The following CAMKK2 variants were observed in gnomAD, a reference collection of about 807,000 sequenced individuals.
The protein encoded by CAMKK2 is calcium/calmodulin-dependent protein kinase kinase 2.
In CAMKK2, 30 loss-of-function variants were observed where a neutral mutation model predicts 67.2. The ratio of observed to expected loss-of-function variants is 0.45; its 90% CI spans 0.33 to 0.61. The LOEUF (loss-of-function observed/expected upper bound fraction) is 0.61, where lower values mean the gene tolerates loss of function less well. Ranked by LOEUF, CAMKK2 falls within the 20% of genes least tolerant of loss-of-function variation. The pLI is 0.02. For synonymous variants in CAMKK2, 322 were observed against 326.2 expected, an observed-to-expected ratio of 0.99 and a Z score of 0.14; for missense variants, 643 against 802.0, an observed-to-expected ratio of 0.80 and a Z score of 2.39.
chr12:121,276,392 C>T (rs1321663210), intron 1 of CAMKK2, among the ~76,000 whole-genome samples: 1 of 151,724 alleles, frequency 6.6e-6, no homozygotes, highest in Non-Finnish European at 1.5e-5. Flanking sequence ...CACTTGAATC[C>T]GGGAGGTGAA....
chr12:121,246,356 G>A (rs1387640548), intron 14 of CAMKK2, among the ~76,000 whole-genome samples: 1 of 151,802 alleles, frequency 6.6e-6, no homozygotes, highest in African/African-American at 2.4e-5. Context: ...GACCAGCCTG[G>A]CCAGCATGGA....
Position 121,240,832 on chromosome 12 carries a change from G to C in CAMKK2, c.1634C>G (p.Pro545Arg), listed in dbSNP as rs754109860. Residue 545 changes from proline (P) to arginine (R), a missense_variant, in exon 17 of 17, where the codon CCC (proline) becomes CGC (arginine). Physicochemically the swap from Pro to Arg is moderately radical, Grantham distance 103 (BLOSUM62 -2). Coordinates refer to ENST00000404169, the MANE Select transcript of CAMKK2 (RefSeq NM_001270485.2). The surrounding 1 kb of genome is among the most constrained non-coding windows in gnomAD (Gnocchi z 4.4). Reference sequence around the variant, plus strand: ...ACTTCCTCCTCCCCCACGGGGGGCGGGTCGGTGCCCTGGAGGTTGTCTTCG... The same window carrying C: ...ACTTCCTCCTCCCCCACGGGGGGCGCGTCGGTGCCCTGGAGGTTGTCTTCG... ...RQRRQPPGHRPAPRGGGGSAL... is the reference protein window; with the variant it reads ...RQRRQPPGHRRAPRGGGGSAL... The C allele has an allele frequency of 1.1e-5, 18 of 1,612,258 alleles. No homozygotes were observed. The highest frequency in any genetic ancestry group is 2.7e-5 in the African/African-American group (2 of 74,920).
At position 121,239,332 on chromosome 12, in the gene CAMKK2, G is replaced by A. The variant is rs1440089000; in HGVS notation, c.*1367C>T. The A allele has an allele frequency of 6.6e-6, 1 of 152,238 alleles. No homozygotes were observed. Among genetic ancestry groups the A allele is most frequent in the Non-Finnish European group, 1.5e-5 (1 of 68,044 alleles). 9.4% of individuals were successfully genotyped at this position (152,238 alleles called of 1,614,324 possible). On this transcript the variant is annotated 3_prime_UTR_variant, in exon 17 of 17. Coordinates refer to ENST00000404169, the MANE Select transcript of CAMKK2 (RefSeq NM_001270485.2). ...TCACACTCCCCTACCTGTGGCTCTG[G>A]AAGGAGTCACACTTGAACCTCAACC...
chr12:121,290,279 TCACGG>T (rs1899735280), intron 1 of CAMKK2, among the ~76,000 whole-genome samples: 1 of 152,212 alleles, frequency 6.6e-6, no homozygotes, highest in Non-Finnish European at 1.5e-5. Context: ...CTGACTCCAC[TCACGG>T]CCACAGGGCC....
chr12:121,274,488 C>T lies in CAMKK2; in HGVS notation c.39G>A (p.Arg13=). ...CCCCCAGCTCATCCTGGGGGGCGGC[C>T]CGGTTGCTGCTGGGCTGGCTAGAGA... The part of the protein sequence containing the change: ...SCVSSQPSSN[R]AAPQDELGGR... Residue 13 remains arginine (R), a synonymous_variant, in exon 2 of 17, where the codon CGG becomes CGA. Coordinates refer to ENST00000404169, the MANE Select transcript of CAMKK2 (RefSeq NM_001270485.2). 1 of 1,612,528 alleles carries T rather than the reference C, an allele frequency of 6.2e-7. No individual in the cohort carries two copies. Among genetic ancestry groups the T allele is most frequent in the South Asian group, 1.1e-5 (1 of 91,064 alleles).
intron 6 of CAMKK2, among the ~76,000 whole-genome samples, chr12:121,262,084 A>C (rs79875796): frequency 0.02 from 3,026 of 152,360 alleles, 47 homozygotes; most frequent in Non-Finnish European, 0.033. Context: ...AAACCTGATG[A>C]TATGTGATGT....
chr12:121,255,496 G>T (rs772483870), intron 9 of CAMKK2, 54 bp downstream of exon 9: 7 of 1,454,168 alleles, frequency 4.8e-6, no homozygotes, highest in African/African-American at 2.8e-5. Context: ...TTGCACCCAC[G>T]CTCAGAATGC....
At position 121,240,532 on chromosome 12, in the gene CAMKK2, T is replaced by TTTC. The variant is rs949611470; in HGVS notation, c.*166_*167insGAA. 14 of 1,534,894 alleles carry TTTC rather than the reference T, an allele frequency of 9.1e-6. No homozygotes were observed. In the Admixed American group the frequency reaches 2.2e-4, roughly 24 times the overall value. On this transcript the variant is annotated 3_prime_UTR_variant, in exon 17 of 17. Coordinates refer to ENST00000404169, the MANE Select transcript of CAMKK2 (RefSeq NM_001270485.2). This position sits in a 1 kb window ranked among gnomAD's most constrained non-coding sequence, Gnocchi z 4.4. ...CGTCATGGAGTCAAGTCCTTTTTTTTTTTTTGTCCCCTTTAAAACAACAAA... is the reference window on the plus strand; with the variant it reads ...CGTCATGGAGTCAAGTCCTTTTTTTTTTCTTTTTGTCCCCTTTAAAACAACAAA...
At chr12:121,269,906 G>A (rs554287750) in intron 3 of CAMKK2, 5 of 209,978 alleles carry the variant, frequency 2.4e-5, no homozygotes, top group South Asian at 9.0e-5. Context: ...AAAATTAGCC[G>A]GGGCATGGTA....
chr12:121,240,313 G>T lies in CAMKK2; in HGVS notation c.*386C>A. ...ACCTCCATGGCCTCAGACCGCCGGAGTTTTCTGCTCGCCTTTCCACAGTTG... is the reference window on the plus strand; with the variant it reads ...ACCTCCATGGCCTCAGACCGCCGGATTTTTCTGCTCGCCTTTCCACAGTTG... On this transcript the variant is annotated 3_prime_UTR_variant, in exon 17 of 17. Transcript: ENST00000404169. The surrounding 1 kb of genome is among the most constrained non-coding windows in gnomAD (Gnocchi z 4.4). 1 of 950,910 alleles carries T rather than the reference G, an allele frequency of 1.1e-6. No homozygotes were observed. The highest frequency in any genetic ancestry group is 1.5e-6 in the Non-Finnish European group (1 of 652,486). The allele number at this position is 950,910 out of a possible 1,614,324, so 58.9% of individuals were successfully genotyped here.
intron 1 of CAMKK2, among the ~76,000 whole-genome samples, chr12:121,294,557 A>T (rs997518056): frequency 6.6e-6 from 1 of 152,218 alleles, no homozygotes; most frequent in Non-Finnish European, 1.5e-5. Context: ...TGGGCTCCTC[A>T]AGAAGCTCAG....
At chr12:121,284,171 G>T (rs947937617) in intron 1 of CAMKK2, among the ~76,000 whole-genome samples, 8 of 152,264 alleles carry the variant, frequency 5.3e-5, no homozygotes, top group Non-Finnish European at 1.0e-4. Flanking sequence ...AAAGACAGGT[G>T]CACATCAGTG....
At chr12:121,271,367 C>G (rs1399944638) in intron 2 of CAMKK2, among the ~76,000 whole-genome samples, 1 of 151,812 alleles carries the variant, frequency 6.6e-6, no homozygotes, top group African/African-American at 2.4e-5. Flanking sequence ...GAGAACATCC[C>G]CAGCTCCCAG....
chr12:121,271,015 C>T (rs896149188), intron 2 of CAMKK2, 70 bp from the exon 3 acceptor site: 2 of 1,287,798 alleles, frequency 1.6e-6, no homozygotes, highest in Admixed American at 1.7e-5. Flanking sequence ...CACGGTGGCT[C>T]ACACCTACAA....
In CAMKK2 at chr12:121,253,475, G is replaced by A. The variant is rs753177327; in HGVS notation, c.908-3C>T. 1 of 1,613,874 alleles carries A rather than the reference G, an allele frequency of 6.2e-7. No homozygotes were observed. Among genetic ancestry groups the A allele is most frequent in the Non-Finnish European group, 8.5e-7 (1 of 1,179,812 alleles). On this transcript the variant is annotated splice_polypyrimidine_tract_variant and splice_region_variant and intron_variant, in intron 9 of 16. Coordinates refer to ENST00000404169, the MANE Select transcript of CAMKK2 (RefSeq NM_001270485.2). This position sits in a 1 kb window ranked among gnomAD's most constrained non-coding sequence, Gnocchi z 5.0. ...GTGGATGATCTTCTGGTAGTGTACT[G>A]GGGAGGCGTAGACAGCAGGTGGGAG...
intron 1 of CAMKK2, among the ~76,000 whole-genome samples, chr12:121,276,603 A>C (rs927156975): frequency 2.0e-5 from 3 of 152,210 alleles, no homozygotes; most frequent in African/African-American, 7.2e-5. Context: ...TACCACTGGA[A>C]TTCAGGGAGT....
chr12:121,263,834 T>G lies in CAMKK2; in HGVS notation c.731A>C (p.Asp244Ala). The G allele has an allele frequency of 6.2e-7, 1 of 1,612,008 alleles. No homozygotes were observed. The highest frequency in any genetic ancestry group is 8.5e-7 in the Non-Finnish European group (1 of 1,178,514). Residue 244 changes from aspartate to alanine, a missense_variant, in exon 6 of 17, where the codon GAC becomes GCC. Asp to Ala is a moderately radical substitution (Grantham distance 126). Coordinates refer to ENST00000404169, the MANE Select transcript of CAMKK2 (RefSeq NM_001270485.2). Reference sequence around the variant, plus strand: ...CACCAGCTTCACCACATTGGGGTGGTCCAGCTTCTTGAGGATGGCAATTTC... The same window carrying G: ...CACCAGCTTCACCACATTGGGGTGGGCCAGCTTCTTGAGGATGGCAATTTC... ...YQEIAILKKL[D>A]HPNVVKLVEV...
intron 5 of CAMKK2, among the ~76,000 whole-genome samples, chr12:121,265,908 T>C (rs1359159259): frequency 6.6e-6 from 1 of 151,142 alleles, no homozygotes; most frequent in Non-Finnish European, 1.5e-5. Flanking sequence ...CCCTCTGCCA[T>C]GTAAGGATGC....
intron 1 of CAMKK2, among the ~76,000 whole-genome samples, chr12:121,286,744 G>A (rs911531286): frequency 1.3e-5 from 2 of 152,088 alleles, no homozygotes; most frequent in African/African-American, 2.4e-5. Flanking sequence ...TCCACCAGTG[G>A]GGAAACTGAG....
Sources: allele counts gnomAD v4.1 joint callset (sites outside exome capture counted in the v4.1 genomes callset), GRCh38; gene constraint gnomAD v4.1.1; non-coding constraint Gnocchi (gnomAD v3.1); transcripts MANE v1.5; gene names NCBI Gene and HGNC (gene_info 2026-07-23, HGNC 2026-07-21).